DLG2: variants seen among roughly 807,000 people sequenced by gnomAD.
DLG2 encodes the protein discs large MAGUK scaffold protein 2.
In DLG2, 45 loss-of-function variants were observed where a neutral mutation model predicts 132.5. That is an observed-to-expected ratio of 0.34 (90% CI 0.27 to 0.44). The LOEUF (loss-of-function observed/expected upper bound fraction) is 0.44, where lower values mean the gene tolerates loss of function less well. DLG2 is among the 20% of genes least tolerant of loss of function. The pLI, the probability that DLG2 is intolerant of heterozygous loss-of-function variation, is 1.00. For synonymous variants in DLG2, 424 were observed against 419.6 expected (o/e 1.01, Z -0.13); for missense variants, 1,045 against 1,196.9 (o/e 0.87, Z 1.87).
At chr11:84,562,195 T>C (rs1276024375) in intron 6 of DLG2, among the ~76,000 whole-genome samples, 3 of 152,122 alleles carry the variant, frequency 2.0e-5, no homozygotes, top group African/African-American at 2.4e-5. Context: ...AGAAACACTA[T>C]TCAGAACTGA....
chr11:84,926,080 T>C (rs969292490), intron 6 of DLG2, among the ~76,000 whole-genome samples: 1 of 152,026 alleles, frequency 6.6e-6, no homozygotes, highest in South Asian at 2.1e-4. Flanking sequence ...CAAAGAACTT[T>C]CATAAATCAC....
At chr11:83,758,719 T>A (rs1555384789) in intron 18 of DLG2, among the ~76,000 whole-genome samples, 1 of 152,142 alleles carries the variant, frequency 6.6e-6, no homozygotes, top group Non-Finnish European at 1.5e-5. Context: ...AGTAAGGAGT[T>A]AAAAAAAGTA....
At chr11:85,614,486 C>A (rs907171192) in intron 2 of DLG2, among the ~76,000 whole-genome samples, 2 of 151,988 alleles carry the variant, frequency 1.3e-5, no homozygotes, top group Non-Finnish European at 2.9e-5. Context: ...ACTAAAAATA[C>A]AAAATTAGCT....
rs148752281 is a variant in DLG2, at chr11:84,391,581, G to A, written c.520-140290C>T. 2.7e-3 allele frequency among the ~76,000 whole-genome samples: 417 copies of A among 152,216 alleles called. 4 individuals carry two copies. The highest frequency in any genetic ancestry group is 9.7e-3 in the African/African-American group (402 of 41,546). ...ACAATGAATTCAAGCATAACTGAAA[G>A]TTAATGAACTCCAAGACAAGACAAG... On this transcript the variant is annotated intron_variant, in intron 7 of 27. Transcript: ENST00000376104.
chr11:83,806,087 C>T lies in DLG2; in HGVS notation c.1723-19295G>A, dbSNP rs1594716101. Among the ~76,000 whole-genome samples the T allele has an allele frequency of 2.6e-5, 4 of 152,148 alleles. No individual in the cohort carries two copies. In the South Asian group the frequency reaches 8.3e-4, roughly 32 times the overall value. ...CCTCCTTGTTTTACTTCCTGTTTTC[C>T]TGGATTCTTTGAAGTCTTGGCCTTC... On this transcript the variant is annotated intron_variant, in intron 17 of 27. Coordinates refer to ENST00000376104, the MANE Select transcript of DLG2 (RefSeq NM_001142699.3).
At chr11:85,151,280 A>G (rs1476571192) in intron 5 of DLG2, among the ~76,000 whole-genome samples, 1 of 152,114 alleles carries the variant, frequency 6.6e-6, no homozygotes, top group East Asian at 1.9e-4. Context: ...TCACATATAT[A>G]TGATTTGCAA....
chr11:83,935,523 T>C (rs1391792380), intron 14 of DLG2, among the ~76,000 whole-genome samples: 2 of 152,280 alleles, frequency 1.3e-5, no homozygotes, highest in South Asian at 2.1e-4. Flanking sequence ...TAAGGTGTTA[T>C]ACAGGCCTTA....
intron 6 of DLG2, among the ~76,000 whole-genome samples, chr11:84,802,895 G>A (rs1007111323): frequency 6.6e-6 from 1 of 152,102 alleles, no homozygotes; most frequent in Admixed American, 6.6e-5. Context: ...CACCTCCCGG[G>A]TTCAAGCGAT....
At chr11:83,844,899 G>T (rs1248553079) in intron 16 of DLG2, among the ~76,000 whole-genome samples, 1 of 152,160 alleles carries the variant, frequency 6.6e-6, no homozygotes, top group Non-Finnish European at 1.5e-5. Context: ...CAAGCCTCCA[G>T]CTCATTAAAA....
chr11:85,467,139 G>T, intron 3 of DLG2, among the ~76,000 whole-genome samples: 1 of 152,290 alleles, frequency 6.6e-6, no homozygotes, highest in East Asian at 1.9e-4. Context: ...AAGAATGCTT[G>T]TGATTTTTGC....
At chr11:85,521,916 G>T (rs1402769823) in intron 3 of DLG2, among the ~76,000 whole-genome samples, 1 of 152,046 alleles carries the variant, frequency 6.6e-6, no homozygotes, top group Non-Finnish European at 1.5e-5. Flanking sequence ...AAAGTTTGGA[G>T]AATTTGCAGC....
chr11:84,680,211 C>T (rs915981445), intron 6 of DLG2, among the ~76,000 whole-genome samples: 1 of 152,148 alleles, frequency 6.6e-6, no homozygotes, highest in Non-Finnish European at 1.5e-5. Flanking sequence ...AGGCAGAACA[C>T]TCCAATCATC....
At chr11:84,212,144 TAAG>T (rs1416867399) in intron 8 of DLG2, among the ~76,000 whole-genome samples, 1 of 152,212 alleles carries the variant, frequency 6.6e-6, no homozygotes, top group Non-Finnish European at 1.5e-5. Context: ...ATTCATGAGT[TAAG>T]AGATAATTTT....
intron 18 of DLG2, among the ~76,000 whole-genome samples, chr11:83,721,600 A>G (rs868482186): frequency 3.9e-5 from 6 of 152,348 alleles, no homozygotes; most frequent in South Asian, 2.1e-4. Flanking sequence ...ATCCACAGAC[A>G]TTTTACAAAA....
At chr11:84,157,633 T>C (rs1183454935) in intron 9 of DLG2, among the ~76,000 whole-genome samples, 1 of 152,154 alleles carries the variant, frequency 6.6e-6, no homozygotes, top group East Asian at 1.9e-4. Context: ...CTCTCACCTC[T>C]CATAAGCCAG....
At chr11:85,067,924 A>G (rs1039717397) in intron 6 of DLG2, among the ~76,000 whole-genome samples, 1 of 151,924 alleles carries the variant, frequency 6.6e-6, no homozygotes, top group South Asian at 2.1e-4. Context: ...CAAACCGAAT[A>G]TAGCAGCACA....
intron 3 of DLG2, among the ~76,000 whole-genome samples, chr11:85,322,856 G>C (rs925456899): frequency 6.6e-6 from 1 of 152,044 alleles, no homozygotes; most frequent in Non-Finnish European, 1.5e-5. Flanking sequence ...GCTGCTGCTA[G>C]CTAAATCCAG....
At chr11:84,678,279 G>A (rs1050170919) in intron 6 of DLG2, among the ~76,000 whole-genome samples, 3 of 152,006 alleles carry the variant, frequency 2.0e-5, no homozygotes, top group African/African-American at 7.2e-5. Context: ...TTTCTGTTTA[G>A]CCTTAACTTT....
intron 6 of DLG2, among the ~76,000 whole-genome samples, chr11:84,657,591 C>T (rs1297701281): frequency 2.0e-5 from 3 of 152,152 alleles, no homozygotes; most frequent in African/African-American, 7.2e-5. Context: ...ATTAGATTCT[C>T]ATAAGAAGTA....
Sources: gnomAD v4.1 joint callset for allele counts (sites outside exome capture counted in the v4.1 genomes callset) on GRCh38, gnomAD v4.1.1 for gene constraint, MANE v1.5 for transcripts, NCBI Gene and HGNC (gene_info 2026-07-23, HGNC 2026-07-21) for gene names.